WDFY3: variants seen among roughly 807,000 people sequenced by gnomAD.
WDFY3 encodes the protein WD repeat and FYVE domain-containing protein 3.
A neutral mutation model predicts 409.6 loss-of-function variants in WDFY3; 66 were observed. The observed-to-expected ratio is 0.16, with a 90% CI of 0.13 to 0.20. The LOEUF is 0.20. Among genes scored for constraint, WDFY3 ranks in the 10% least tolerant of loss-of-function variants. The pLI is 1.00. For synonymous variants in WDFY3, 1,521 were observed against 1,537.1 expected, an observed-to-expected ratio of 0.99 and a Z score of 0.25; for missense variants, 3,031 against 4,298.1, an observed-to-expected ratio of 0.71 and a Z score of 8.24.
chr4:84,786,602 T>A (rs1388389283), intron 23 of WDFY3, among the ~76,000 whole-genome samples: 1 of 152,212 alleles, frequency 6.6e-6, no homozygotes, highest in African/African-American at 2.4e-5. Context: ...TAAAGCTACA[T>A]GGCCTGAGTT....
intron 43 of WDFY3, 84 bp downstream of exon 43, chr4:84,734,958 TG>T: frequency 8.8e-7 from 1 of 1,136,644 alleles, no homozygotes. Context: ...TACCTTAAAA[TG>T]GGCAGAAAGA....
intron 41 of WDFY3, 31 bp from the exon 42 acceptor site, chr4:84,736,358 A>G: frequency 6.4e-7 from 1 of 1,556,026 alleles, no homozygotes. Context: ...ATTATTTTAT[A>G]ATTTCTCCAT....
At chr4:84,782,035 T>C (rs12502294) in intron 25 of WDFY3, among the ~76,000 whole-genome samples, 40,521 of 152,018 alleles carry the variant, frequency 0.27, 6,155 homozygotes, top group East Asian at 0.44. Context: ...GGTTCTGAAT[T>C]TTGAATGGCG....
intron 24 of WDFY3, among the ~76,000 whole-genome samples, chr4:84,783,697 A>T (rs1397300176): frequency 6.6e-6 from 1 of 152,218 alleles, no homozygotes; most frequent in Non-Finnish European, 1.5e-5. Flanking sequence ...AACATAAGTT[A>T]TCCAAGAGTT....
chr4:84,686,819 TA>T (rs1304908118), intron 62 of WDFY3, among the ~76,000 whole-genome samples: 4 of 152,174 alleles, frequency 2.6e-5, no homozygotes, highest in African/African-American at 9.7e-5. Flanking sequence ...ACTAACGCGA[TA>T]AGCTTGTGAG....
intron 59 of WDFY3, among the ~76,000 whole-genome samples, chr4:84,692,298 T>C (rs1252721814): frequency 6.6e-6 from 1 of 152,152 alleles, no homozygotes; most frequent in Non-Finnish European, 1.5e-5. Context: ...GCAGAGTCTG[T>C]GTAATGAGGA....
intron 2 of WDFY3, among the ~76,000 whole-genome samples, chr4:84,916,243 A>C (rs1364011750): frequency 6.6e-6 from 1 of 152,182 alleles, no homozygotes; most frequent in East Asian, 1.9e-4. Flanking sequence ...AGTTCACAAG[A>C]GATGGGCAGA....
intron 23 of WDFY3, among the ~76,000 whole-genome samples, chr4:84,787,191 A>C (rs147921173): frequency 5.3e-4 from 80 of 152,342 alleles, no homozygotes; most frequent in African/African-American, 1.8e-3. Flanking sequence ...GAAATCACAG[A>C]AAGAGAAGAG....
intron 15 of WDFY3, among the ~76,000 whole-genome samples, chr4:84,804,566 C>G (rs1751199892): frequency 6.6e-6 from 1 of 152,190 alleles, no homozygotes; most frequent in Non-Finnish European, 1.5e-5. Flanking sequence ...TGTTTTCACT[C>G]CCTGTATTCT....
intron 3 of WDFY3, among the ~76,000 whole-genome samples, chr4:84,895,956 C>A (rs534845249): frequency 2.0e-5 from 3 of 152,016 alleles, no homozygotes; most frequent in East Asian, 3.9e-4. Flanking sequence ...TGGAACATGG[C>A]GAAATAAAAG....
At chr4:84,798,846 C>T (rs150042413) in intron 17 of WDFY3, among the ~76,000 whole-genome samples, 245 of 152,100 alleles carry the variant, frequency 1.6e-3, no homozygotes, top group Middle Eastern at 3.4e-3. Flanking sequence ...CTTAAATCTA[C>T]ACAGTGTCAC....
rs187284599 is a variant in WDFY3 at position 84,796,476 on chromosome 4, T to A, written c.3167+45A>T. The A allele has an allele frequency of 1.0e-4, 126 of 1,260,842 alleles. No homozygotes were observed. The African/African-American group carries it at 1.7e-3, about 17-fold the overall frequency. The allele number at this position is 1,260,842 out of a possible 1,614,324, so 78.1% of individuals were successfully genotyped here. On this transcript the variant is annotated intron_variant, in intron 19 of 67. Transcript: ENST00000295888. ...AAAGATCTATTTGTAAAGGCAAGTA[T>A]GACGCATAAAACCATAAAGGTTGGC...
intron 62 of WDFY3, 24 bp downstream of exon 62, chr4:84,688,062 A>G (rs778333306): frequency 8.7e-6 from 14 of 1,605,838 alleles, no homozygotes; most frequent in Admixed American, 5.1e-5. Context: ...TTACCTAAAC[A>G]TAAGTGGGCA....
chr4:84,788,099 A>G (rs573340670), intron 22 of WDFY3, among the ~76,000 whole-genome samples: 16 of 152,210 alleles, frequency 1.1e-4, no homozygotes, highest in Non-Finnish European at 2.2e-4. Context: ...GTTACCTTCA[A>G]TGTGAGTCTG....
intron 13 of WDFY3, 196 bp from the exon 14 acceptor site, chr4:84,810,540 T>C (rs1055017202): frequency 6.0e-5 from 30 of 502,214 alleles, no homozygotes; most frequent in Non-Finnish European, 8.9e-5. Flanking sequence ...AAGGTAATTT[T>C]AGGAAACACT....
At chr4:84,858,861 C>A (rs1485444999) in intron 4 of WDFY3, among the ~76,000 whole-genome samples, 1 of 151,262 alleles carries the variant, frequency 6.6e-6, no homozygotes, top group East Asian at 1.9e-4. Context: ...GAAAAAGAGA[C>A]AGGGGAGAGT....
intron 24 of WDFY3, among the ~76,000 whole-genome samples, chr4:84,784,891 T>TATACACACACAC (rs1238884117): frequency 1.9e-4 from 7 of 36,914 alleles, no homozygotes; most frequent in African/African-American, 5.4e-4. Context: ...TATATATATA[T>TATACACACACAC]ACACACACAC....
intron 3 of WDFY3, among the ~76,000 whole-genome samples, chr4:84,888,061 T>G (rs1764459157): frequency 6.6e-6 from 1 of 152,210 alleles, no homozygotes; most frequent in Non-Finnish European, 1.5e-5. Context: ...TAGATACATC[T>G]GACACATAGG....
At chr4:84,797,316 G>C (rs1465422254) in intron 18 of WDFY3, among the ~76,000 whole-genome samples, 1 of 151,818 alleles carries the variant, frequency 6.6e-6, no homozygotes, top group African/African-American at 2.4e-5. Context: ...TTATAAAAAG[G>C]GTAACAATTT....
Sources: gnomAD v4.1 joint callset for allele counts (sites outside exome capture counted in the v4.1 genomes callset) on GRCh38, gnomAD v4.1.1 for gene constraint, MANE v1.5 for transcripts, NCBI Gene and HGNC (gene_info 2026-07-23, HGNC 2026-07-21) for gene names.